Variants in MORN1 observed in about 807,000 individuals in gnomAD.
MORN1 encodes the protein MORN repeat-containing protein 1.
MORN1 carries 67 observed loss-of-function variants against 61.9 expected under a neutral mutation model. The observed-to-expected ratio is 1.08, with a 90% CI of 0.89 to 1.33. MORN1 has a LOEUF of 1.33. Ranked by LOEUF, MORN1 falls within the 40% of genes most tolerant of loss-of-function variation. The pLI, the probability that MORN1 is intolerant of heterozygous loss-of-function variation, is 0.00. For synonymous variants in MORN1, 301 were observed against 292.0 expected, an observed-to-expected ratio of 1.03 and a Z score of -0.31; for missense variants, 752 against 691.2, an observed-to-expected ratio of 1.09 and a Z score of -0.99.
chr1:2,348,786 C>T (rs983783962), intron 10 of MORN1, among the ~76,000 whole-genome samples: 2 of 145,680 alleles, frequency 1.4e-5, no homozygotes, highest in Non-Finnish European at 3.0e-5. Flanking sequence ...CGCACACACA[C>T]GCACGCACAC....
intron 10 of MORN1, among the ~76,000 whole-genome samples, chr1:2,341,190 G>A (rs1439351200): frequency 6.6e-6 from 1 of 152,168 alleles, no homozygotes; most frequent in African/African-American, 2.4e-5. Flanking sequence ...TTGTGGATCT[G>A]TCCCCAGCAG....
chr1:2,376,902 G>C (rs1642251482), intron 6 of MORN1: 1 of 152,198 alleles, frequency 6.6e-6, no homozygotes, highest in Non-Finnish European at 1.5e-5. Flanking sequence ...GCAGGAACGA[G>C]CAAGAGCTTA....
intron 8 of MORN1, among the ~76,000 whole-genome samples, chr1:2,363,967 C>A (rs1211594723): frequency 6.6e-6 from 1 of 151,848 alleles, no homozygotes; most frequent in Non-Finnish European, 1.5e-5. Context: ...GTGTCAATAA[C>A]CATATTAAAT....
intron 10 of MORN1, among the ~76,000 whole-genome samples, chr1:2,339,482 C>T (rs1641349753): frequency 6.6e-6 from 1 of 152,206 alleles, no homozygotes; most frequent in Admixed American, 6.5e-5. Flanking sequence ...GCCAGGTGCT[C>T]AAGCTGAAAG....
rs538917990 is a variant in MORN1 at position 2,387,459 on chromosome 1, G to T, written c.318C>A (p.Gly106=). The T allele has an allele frequency of 6.2e-7, 1 of 1,613,610 alleles. No homozygotes were observed. The change falls in exon 4 of 14, where the codon GGC becomes GGA. Residue 106 remains glycine, a synonymous_variant. Transcript: ENST00000378531. ...GGGAGACCTCCCCTTCATAACATCC[G>T]CCGGCTTTGTACTCCATGACGCCGT... ...QGYGVMEYKA[G]GCYEGEVSHG...
At chr1:2,385,751 C>A (rs1467652892) in intron 5 of MORN1, 56 bp downstream of exon 5, 2 of 1,526,274 alleles carry the variant, frequency 1.3e-6, no homozygotes, top group Non-Finnish European at 1.8e-6. Context: ...CATGGCCTCA[C>A]ACCTGCCCTG....
At chr1:2,362,812 C>G (rs553916396) in intron 8 of MORN1, among the ~76,000 whole-genome samples, 1 of 151,556 alleles carries the variant, frequency 6.6e-6, no homozygotes, top group East Asian at 1.9e-4. Flanking sequence ...TGCAGTGAGC[C>G]GAGATCGCGC....
At chr1:2,342,164 C>G (rs1355098386) in intron 10 of MORN1, among the ~76,000 whole-genome samples, 1 of 152,296 alleles carries the variant, frequency 6.6e-6, no homozygotes, top group African/African-American at 2.4e-5. Context: ...AGAGGCTGAG[C>G]CAGCCCGGGA....
intron 11 of MORN1, 46 bp from the exon 12 acceptor site, chr1:2,336,594 G>C: frequency 6.2e-7 from 1 of 1,607,754 alleles, no homozygotes; most frequent in Non-Finnish European, 8.5e-7. Context: ...GGCTCAGAAG[G>C]TGGGCCTAGG....
At chr1:2,325,394 A>G (rs764427430) in intron 12 of MORN1, among the ~76,000 whole-genome samples, 39 of 150,372 alleles carry the variant, frequency 2.6e-4, no homozygotes, top group Non-Finnish European at 5.2e-4. Flanking sequence ...TGCGGCCTCC[A>G]ACTCCTGGGC....
At chr1:2,339,608 C>T (rs1386889257) in intron 10 of MORN1, among the ~76,000 whole-genome samples, 1 of 152,192 alleles carries the variant, frequency 6.6e-6, no homozygotes, top group Non-Finnish European at 1.5e-5. Flanking sequence ...CCTGGACCCC[C>T]AAGGCTCCCC....
chr1:2,346,001 C>T (rs988770014), intron 10 of MORN1, among the ~76,000 whole-genome samples: 3 of 151,896 alleles, frequency 2.0e-5, no homozygotes, highest in African/African-American at 4.8e-5. Flanking sequence ...CAGGAACCTT[C>T]CTCAGACAAA....
At chr1:2,383,422 G>T (rs1050202912) in intron 6 of MORN1, among the ~76,000 whole-genome samples, 1 of 152,160 alleles carries the variant, frequency 6.6e-6, no homozygotes, top group Admixed American at 6.5e-5. Flanking sequence ...CCCTCTCTGT[G>T]GAGGTCTGAG....
chr1:2,344,806 C>T (rs1641475125), intron 10 of MORN1, among the ~76,000 whole-genome samples: 3 of 152,236 alleles, frequency 2.0e-5, no homozygotes, highest in African/African-American at 7.2e-5. Flanking sequence ...CATGGAGGAC[C>T]TTGGGGGCCA....
At chr1:2,356,205 G>A (rs1490527860) in intron 10 of MORN1, among the ~76,000 whole-genome samples, 4 of 152,326 alleles carry the variant, frequency 2.6e-5, no homozygotes, top group East Asian at 1.9e-4. Flanking sequence ...GCCTTCAGGG[G>A]ACTTGGGGCT....
rs148446954 is a variant in MORN1, at chr1:2,357,865, C to T, written c.870-267G>A. Among the ~76,000 whole-genome samples, 26 of 152,252 alleles carry T rather than the reference C, an allele frequency of 1.7e-4. No individual in the cohort carries two copies. The East Asian group carries it at 4.1e-3, about 24-fold the overall frequency. ...TTATTATTTATGACAACTCCAGCAG[C>T]GTCACCTCTCGGGTGCGTTCTGACT... On this transcript the variant is annotated intron_variant, in intron 9 of 13. Transcript: ENST00000378531. The surrounding 1 kb of genome is among the most constrained non-coding windows in gnomAD (Gnocchi z 6.3).
intron 12 of MORN1, among the ~76,000 whole-genome samples, chr1:2,330,531 G>C (rs951939505): frequency 2.0e-5 from 3 of 152,264 alleles, no homozygotes; most frequent in African/African-American, 7.2e-5. Flanking sequence ...GAGCCAGGAA[G>C]GGGCTCGGTG....
intron 12 of MORN1, chr1:2,332,357 G>T: frequency 2.9e-6 from 1 of 342,136 alleles, no homozygotes; most frequent in East Asian, 7.9e-5. Context: ...GCATAGCCCG[G>T]CCACCCTGAC....
rs548596557 is a variant in MORN1, at chr1:2,382,562, C to T, written c.537+2416G>A. 3.6e-4 allele frequency among the ~76,000 whole-genome samples: 55 copies of T among 151,332 alleles called. No homozygotes were observed. The South Asian group carries it at 0.01, about 28-fold the overall frequency. The stretch of plus-strand genomic sequence containing the variant: ...AGTGGGGTGGGGGCCCGGGTGTGCT[C>T]GGGTGGGAAGGGGCGGGCAGAAGAG... On this transcript the variant is annotated intron_variant, in intron 6 of 13. Transcript: ENST00000378531.
Sources: allele counts gnomAD v4.1 joint callset (sites outside exome capture counted in the v4.1 genomes callset), GRCh38; gene constraint gnomAD v4.1.1; non-coding constraint Gnocchi (gnomAD v3.1); transcripts MANE v1.5; gene names NCBI Gene and HGNC (gene_info 2026-07-23, HGNC 2026-07-21).